The following FYN variants were observed in gnomAD, a reference collection of about 807,000 sequenced individuals.
The protein encoded by FYN is FYN proto-oncogene, Src family tyrosine kinase, also known as tyrosine-protein kinase Fyn.
Under a neutral mutation model 70.2 loss-of-function variants are expected in FYN, and 10 were observed. The ratio of observed to expected loss-of-function variants is 0.14; its 90% CI spans 0.09 to 0.24. FYN has a LOEUF of 0.24. FYN is among the 10% of genes least tolerant of loss of function. The pLI, the probability that FYN is intolerant of heterozygous loss-of-function variation, is 1.00. For synonymous variants in FYN, 236 were observed against 248.6 expected, an observed-to-expected ratio of 0.95 and a Z score of 0.48; for missense variants, 319 against 673.1, an observed-to-expected ratio of 0.47 and a Z score of 5.82.
chr6:111,852,281 C>T (rs146591343), intron 1 of FYN, among the ~76,000 whole-genome samples: 1 of 152,284 alleles, frequency 6.6e-6, no homozygotes, highest in East Asian at 1.9e-4. Flanking sequence ...TCGAAATGTA[C>T]ACTCATGCAG....
chr6:111,757,194 C>A (rs1027247155), intron 3 of FYN, among the ~76,000 whole-genome samples: 2 of 152,158 alleles, frequency 1.3e-5, no homozygotes, highest in Non-Finnish European at 2.9e-5. Context: ...TTTCTATCCA[C>A]GAGCAACAGT....
intron 3 of FYN, among the ~76,000 whole-genome samples, chr6:111,740,468 T>A (rs139444796): frequency 1.7e-3 from 263 of 152,286 alleles, no homozygotes; most frequent in African/African-American, 6.1e-3. Flanking sequence ...AATATACAAG[T>A]CACAAAACAC....
At chr6:111,706,669 G>A (rs927445686) in intron 6 of FYN, among the ~76,000 whole-genome samples, 6 of 152,162 alleles carry the variant, frequency 3.9e-5, no homozygotes, top group South Asian at 2.1e-4. Context: ...ATGTAAAACC[G>A]AAGGCATTAT....
chr6:111,870,928 T>C (rs887547381), intron 1 of FYN, among the ~76,000 whole-genome samples: 2 of 152,234 alleles, frequency 1.3e-5, no homozygotes, highest in South Asian at 2.1e-4. Context: ...CCTTTGTTTT[T>C]ACAGTACACT....
intron 2 of FYN, among the ~76,000 whole-genome samples, chr6:111,798,965 A>G (rs1188395204): frequency 1.3e-5 from 2 of 152,250 alleles, no homozygotes; most frequent in African/African-American, 4.8e-5. Context: ...CAGATTAACA[A>G]TTACAGAAAT....
intron 3 of FYN, among the ~76,000 whole-genome samples, chr6:111,762,459 C>A (rs1056116576): frequency 2.0e-5 from 3 of 152,100 alleles, no homozygotes; most frequent in African/African-American, 7.2e-5. Flanking sequence ...CCTTGTTATA[C>A]CCTCCTCCCT....
chr6:111,738,538 G>A (rs1182121380), intron 3 of FYN, among the ~76,000 whole-genome samples: 1 of 152,206 alleles, frequency 6.6e-6, no homozygotes, highest in Non-Finnish European at 1.5e-5. Flanking sequence ...ACTATTCTGA[G>A]GATCTGGGAA....
intron 2 of FYN, among the ~76,000 whole-genome samples, chr6:111,837,877 T>C (rs947044655): frequency 6.6e-6 from 1 of 152,236 alleles, no homozygotes; most frequent in African/African-American, 2.4e-5. Flanking sequence ...GGAGGGACTA[T>C]GCAAATGCAC....
intron 2 of FYN, among the ~76,000 whole-genome samples, chr6:111,820,888 G>C (rs1772636222): frequency 6.6e-6 from 1 of 152,098 alleles, no homozygotes; most frequent in Non-Finnish European, 1.5e-5. Flanking sequence ...GCTATAAAAC[G>C]ATCCTATTTA....
intron 1 of FYN, among the ~76,000 whole-genome samples, chr6:111,858,120 C>A (rs988268117): frequency 1.3e-5 from 2 of 152,146 alleles, no homozygotes; most frequent in African/African-American, 4.8e-5. Context: ...TCGGGATTTC[C>A]CCACGCCATG....
chr6:111,711,284 A>T (rs961878024), intron 5 of FYN, among the ~76,000 whole-genome samples: 1 of 152,116 alleles, frequency 6.6e-6, no homozygotes, highest in Non-Finnish European at 1.5e-5. Context: ...GAAAAAAAAA[A>T]CAACAAACCT....
intron 4 of FYN, 40 bp from the exon 5 acceptor site, chr6:111,714,483 A>G: frequency 7.4e-7 from 1 of 1,359,640 alleles, no homozygotes; most frequent in Non-Finnish European, 1.1e-6. Context: ...ATTATTACAC[A>G]AGGGGAAATT....
chr6:111,833,329 T>C lies in FYN; in HGVS notation c.-82+13260A>G, dbSNP rs111677254. Among the ~76,000 whole-genome samples, 1,136 of 152,276 alleles carry C rather than the reference T, an allele frequency of 7.5e-3. 16 individuals are homozygous for C. Among genetic ancestry groups the C allele is most frequent in the African/African-American group, 0.027 (1,101 of 41,538 alleles). On this transcript the variant is annotated intron_variant, in intron 2 of 13. Transcript: ENST00000354650. ...ACACAAAGCATGGCTGTCAGAAAAA[T>C]CACTTGTGTTTTGGGGAAAGTAATC... is the stretch of plus-strand genomic sequence containing the variant.
intron 3 of FYN, among the ~76,000 whole-genome samples, chr6:111,754,871 T>G (rs1047956973): frequency 2.6e-5 from 4 of 152,126 alleles, no homozygotes; most frequent in Non-Finnish European, 5.9e-5. Context: ...TTAGAACTTG[T>G]TAACAGTAAT....
At chr6:111,856,364 T>G (rs1005066316) in intron 1 of FYN, among the ~76,000 whole-genome samples, 25 of 152,200 alleles carry the variant, frequency 1.6e-4, no homozygotes, top group African/African-American at 6.0e-4. Flanking sequence ...AACACAACTT[T>G]GAAGAGATTG....
intron 13 of FYN, among the ~76,000 whole-genome samples, chr6:111,668,332 C>T (rs912774834): frequency 3.3e-5 from 5 of 152,156 alleles, no homozygotes; most frequent in Non-Finnish European, 7.4e-5. Context: ...ACAATAATGA[C>T]TTGCTTTGTT....
At chr6:111,708,152 TCTGAACTCCAA>T in intron 5 of FYN, 132 bp from the exon 6 acceptor site, 1 of 680,364 alleles carries the variant, frequency 1.5e-6, no homozygotes, top group South Asian at 1.7e-5. Flanking sequence ...ATTCCTTTAC[TCTGAACTCCAA>T]CATAGTCCCC....
At chr6:111,697,647 T>C (rs1799632369) in intron 9 of FYN, among the ~76,000 whole-genome samples, 1 of 152,240 alleles carries the variant, frequency 6.6e-6, no homozygotes, top group Admixed American at 6.5e-5. Flanking sequence ...TTATAAGTGA[T>C]CTTTGCTATT....
intron 2 of FYN, among the ~76,000 whole-genome samples, chr6:111,803,501 T>G (rs1403247988): frequency 6.6e-6 from 1 of 152,168 alleles, no homozygotes; most frequent in Non-Finnish European, 1.5e-5. Context: ...ATTCATCATA[T>G]ATCCTCAGCT....
Sources: gnomAD v4.1 joint callset for allele counts (sites outside exome capture counted in the v4.1 genomes callset) on GRCh38, gnomAD v4.1.1 for gene constraint, MANE v1.5 for transcripts, NCBI Gene and HGNC (gene_info 2026-07-23, HGNC 2026-07-21) for gene names.